Variants in ST8SIA5 observed in about 807,000 individuals in gnomAD.
ST8SIA5 encodes ST8 alpha-N-acetyl-neuraminide alpha-2,8-sialyltransferase 5.
In ST8SIA5, 24 loss-of-function variants were observed where a neutral mutation model predicts 40.2. The ratio of observed to expected loss-of-function variants is 0.60; its 90% CI spans 0.43 to 0.84. The LOEUF is 0.84. Ranked by LOEUF, ST8SIA5 falls within the 40% of genes least tolerant of loss-of-function variation. The pLI, the probability that ST8SIA5 is intolerant of heterozygous loss-of-function variation, is 0.00. For synonymous variants in ST8SIA5, 198 were observed against 201.8 expected (o/e 0.98, Z 0.16); for missense variants, 465 against 498.5 (o/e 0.93, Z 0.64).
In ST8SIA5 at chr18:46,677,557, C is replaced by G. The variant is rs144399489; in HGVS notation, c.*2485G>C. The stretch of plus-strand genomic sequence containing the variant: ...CCCCAAAATAAGGACATTGTACAGA[C>G]GCTGAAGATTTTTACAAAGCTTCTA... On this transcript the variant is annotated 3_prime_UTR_variant, in exon 7 of 7. Coordinates refer to ENST00000315087, the MANE Select transcript of ST8SIA5 (RefSeq NM_013305.6). 1 of 152,190 alleles carries G rather than the reference C, an allele frequency of 6.6e-6. No homozygotes were observed. Among genetic ancestry groups the G allele is most frequent in the African/African-American group, 2.4e-5 (1 of 41,446 alleles). 9.4% of individuals were successfully genotyped at this position (152,190 alleles called of 1,614,324 possible).
intron 1 of ST8SIA5, among the ~76,000 whole-genome samples, chr18:46,722,558 G>C (rs1430317863): frequency 6.6e-6 from 1 of 152,186 alleles, no homozygotes; most frequent in African/African-American, 2.4e-5. Context: ...GGAGGAAAGG[G>C]TTGGTGCCCG....
At position 46,673,975 on chromosome 18, in the gene ST8SIA5, A is replaced by G. The variant is rs1426949713; in HGVS notation, c.*6067T>C. The stretch of plus-strand genomic sequence containing the variant: ...TCAGGGCGTGTGTTGAGCTCAGAGA[A>G]GCAGCACCTTTTTTCCCCCAGGAAA... On this transcript the variant is annotated 3_prime_UTR_variant, in exon 7 of 7. Transcript: ENST00000315087. 1 of 152,158 alleles carries G rather than the reference A, an allele frequency of 6.6e-6. No individual in the cohort carries two copies. The highest frequency in any genetic ancestry group is 1.5e-5 in the Non-Finnish European group (1 of 68,080). 9.4% of individuals were successfully genotyped at this position (152,158 alleles called of 1,614,324 possible). A position where few individuals can be genotyped will look rare whatever the true frequency, so the allele number is the denominator to read the frequency against.
rs1177786941 is a variant in ST8SIA5 at position 46,680,305 on chromosome 18, G to T, written c.868C>A (p.Leu290Ile). The change falls in exon 7 of 7, where the codon CTC (leucine) becomes ATC (isoleucine). Residue 290 changes from leucine to isoleucine, a missense_variant. Leu to Ile is a conservative substitution (Grantham distance 5). Transcript: ENST00000315087. The stretch of plus-strand genomic sequence containing the variant: ...CGCTTGGCGCGCACCCCCAGGCTGA[G>T]CCAGTAGCGCGACACGTTGACCAGG... ...QYLVNVSRYW[L>I]SLGVRAKRIS... is the part of the protein sequence containing the mutation. The T allele has an allele frequency of 1.9e-6, 3 of 1,614,130 alleles. No homozygotes were observed. In the East Asian group the frequency reaches 6.7e-5, roughly 36 times the overall value.
At chr18:46,744,789 T>C (rs1369690790) in intron 1 of ST8SIA5, among the ~76,000 whole-genome samples, 1 of 152,186 alleles carries the variant, frequency 6.6e-6, no homozygotes, top group Non-Finnish European at 1.5e-5. Flanking sequence ...ATCGCACTTA[T>C]TCTAAAATTG....
chr18:46,745,398 C>T (rs1201359666), intron 1 of ST8SIA5, among the ~76,000 whole-genome samples: 3 of 152,042 alleles, frequency 2.0e-5, no homozygotes, highest in Admixed American at 2.0e-4. Flanking sequence ...ACCACCAATC[C>T]CACAGAAATA....
rs1403257257 is a variant in ST8SIA5 at position 46,677,795 on chromosome 18, G to A, written c.*2247C>T. 6.6e-6 allele frequency: 1 copy of A among 152,180 alleles called. No homozygotes were observed. The highest frequency in any genetic ancestry group is 6.5e-5 in the Admixed American group (1 of 15,276). The allele number at this position is 152,180 out of a possible 1,614,324, so 9.4% of individuals were successfully genotyped here. On this transcript the variant is annotated 3_prime_UTR_variant, in exon 7 of 7. Transcript: ENST00000315087. Reference sequence around the variant, plus strand: ...GGAATCCTGATGTCTGTGTCACCAGGGAGCCTCCCCCAAACACTGCCCATC... The same window carrying A: ...GGAATCCTGATGTCTGTGTCACCAGAGAGCCTCCCCCAAACACTGCCCATC...
intron 3 of ST8SIA5, among the ~76,000 whole-genome samples, chr18:46,689,196 GC>G (rs2039478634): frequency 6.6e-6 from 1 of 151,892 alleles, no homozygotes; most frequent in Non-Finnish European, 1.5e-5. Flanking sequence ...CCTTTTCAAC[GC>G]CTCTCCCAAG....
chr18:46,683,755 G>C (rs927670142), intron 5 of ST8SIA5, among the ~76,000 whole-genome samples: 1 of 151,438 alleles, frequency 6.6e-6, no homozygotes, highest in African/African-American at 2.4e-5. Flanking sequence ...GGAGGGGGTG[G>C]GGTGTGTGCA....
In ST8SIA5 at chr18:46,725,973, ATATATATATATATAT is replaced by A. The variant is rs1314214007; in HGVS notation, c.132-21324_132-21310del. On this transcript the variant is annotated intron_variant, in intron 1 of 6. Coordinates refer to ENST00000315087, the MANE Select transcript of ST8SIA5 (RefSeq NM_013305.6). ...CCATCTCTACTTAAAAAAAAAAAAA[ATATATATATATATAT>A]ATATATATATATATATATATATCCT... Among the ~76,000 whole-genome samples, 27 of 25,066 alleles carry A rather than the reference ATATATATATATATAT, an allele frequency of 1.1e-3. 1 individual carries two copies. The highest frequency in any genetic ancestry group is 3.5e-3 in the South Asian group (2 of 574). The allele number at this position is 25,066 out of a possible 152,430, so 16.4% of individuals were successfully genotyped here.
At chr18:46,701,726 C>T (rs573393850) in intron 2 of ST8SIA5, among the ~76,000 whole-genome samples, 106 of 152,328 alleles carry the variant, frequency 7.0e-4, no homozygotes, top group Non-Finnish European at 1.1e-3. Flanking sequence ...CTAACAGCAA[C>T]ATACAGAAAA....
intron 1 of ST8SIA5, among the ~76,000 whole-genome samples, chr18:46,743,778 T>C (rs2040110355): frequency 6.6e-6 from 1 of 151,788 alleles, no homozygotes; most frequent in South Asian, 2.1e-4. Flanking sequence ...TTCACCAAAG[T>C]TGAAATGAAG....
intron 1 of ST8SIA5, among the ~76,000 whole-genome samples, chr18:46,733,780 G>C (rs2040007796): frequency 6.6e-6 from 1 of 152,194 alleles, no homozygotes; most frequent in Non-Finnish European, 1.5e-5. Flanking sequence ...AGAGGTGAGG[G>C]GAGGATGAGC....
chr18:46,686,007 C>T, intron 5 of ST8SIA5, 167 bp downstream of exon 5: 2 of 655,668 alleles, frequency 3.1e-6, no homozygotes, highest in South Asian at 1.8e-5. Flanking sequence ...AACGACTTCC[C>T]CAAAGGGATG....
chr18:46,713,119 T>G (rs899279364), intron 1 of ST8SIA5, among the ~76,000 whole-genome samples: 2 of 151,976 alleles, frequency 1.3e-5, no homozygotes, highest in African/African-American at 2.4e-5. Context: ...CGTGATCTGA[T>G]GTGGGGATAA....
intron 1 of ST8SIA5, among the ~76,000 whole-genome samples, chr18:46,749,682 T>G (rs1459739240): frequency 6.6e-6 from 1 of 152,234 alleles, no homozygotes; most frequent in Non-Finnish European, 1.5e-5. Flanking sequence ...AAAAGATAAT[T>G]TGTACGATAA....
chr18:46,749,688 G>A (rs542833737), intron 1 of ST8SIA5, among the ~76,000 whole-genome samples: 2 of 152,228 alleles, frequency 1.3e-5, no homozygotes, highest in East Asian at 1.9e-4. Context: ...TAATTTGTAC[G>A]ATAATAAACA....
chr18:46,723,299 C>T (rs1381664478), intron 1 of ST8SIA5: 1 of 152,324 alleles, frequency 6.6e-6, no homozygotes, highest in African/African-American at 2.4e-5. Context: ...TGCCTATAAT[C>T]CCAGCACTTT....
chr18:46,747,967 A>G (rs1237579302), intron 1 of ST8SIA5, among the ~76,000 whole-genome samples: 1 of 152,150 alleles, frequency 6.6e-6, no homozygotes, highest in Admixed American at 6.5e-5. Context: ...AAACTATCAC[A>G]AGGACAGAAA....
At chr18:46,742,360 A>C (rs1480110471) in intron 1 of ST8SIA5, among the ~76,000 whole-genome samples, 1 of 151,994 alleles carries the variant, frequency 6.6e-6, no homozygotes, top group Non-Finnish European at 1.5e-5. Flanking sequence ...TTTAAGTGTA[A>C]ATTTTTGTGA....
Sources: gnomAD v4.1 joint callset for allele counts (sites outside exome capture counted in the v4.1 genomes callset) on GRCh38, gnomAD v4.1.1 for gene constraint, MANE v1.5 for transcripts, NCBI Gene and HGNC (gene_info 2026-07-23, HGNC 2026-07-21) for gene names.